The following RNPS1 variants were observed in gnomAD, a reference collection of about 807,000 sequenced individuals.
RNPS1 encodes the protein RNA-binding protein with serine-rich domain 1.
For missense variants in RNPS1, 300 were observed against 427.6 expected (o/e 0.70, Z 2.63); for synonymous variants, 147 against 150.0 (o/e 0.98, Z 0.15).
Position 2,267,192 on chromosome 16 carries a change from C to T in RNPS1, c.-118+863G>A, listed in dbSNP as rs562901833. 8.6e-5 allele frequency: 85 copies of T among 985,450 alleles called. No homozygotes were observed. In the Admixed American group the frequency reaches 3.3e-3, roughly 38 times the overall value. The allele number at this position is 985,450 out of a possible 1,614,324, so 61.0% of individuals were successfully genotyped here. A position where few individuals can be genotyped will look rare whatever the true frequency, so the allele number is the denominator to read the frequency against. On this transcript the variant is annotated intron_variant, in intron 1 of 7. Coordinates refer to ENST00000320225, the MANE Select transcript of RNPS1 (RefSeq NM_080594.4). ...CTGTTCACCCAAGTTCAGGTACCGG[C>T]TCAGGACCTCGGTTACCTCCCCCAT...
rs1447964986 is a variant in RNPS1 at position 2,263,949 on chromosome 16, T to C, written c.227+227A>G. The C allele has an allele frequency of 4.3e-5, 21 of 490,086 alleles. No individual in the cohort carries two copies. The East Asian group carries it at 5.9e-4, about 14-fold the overall frequency. 30.4% of individuals were successfully genotyped at this position (490,086 alleles called of 1,614,324 possible). On this transcript the variant is annotated intron_variant, in intron 3 of 7. Transcript: ENST00000320225. ...CTTGTTTTGTTGCCCATGCTGGTCT[T>C]GAACTCCAGGCCCCAAGCAATCCTC...
Position 2,253,771 on chromosome 16 carries a change from A to G in RNPS1, c.*193T>C. 1 of 693,630 alleles carries G rather than the reference A, an allele frequency of 1.4e-6. No individual in the cohort carries two copies. Among genetic ancestry groups the G allele is most frequent in the Non-Finnish European group, 2.6e-6 (1 of 379,534 alleles). 43.0% of individuals were successfully genotyped at this position (693,630 alleles called of 1,614,324 possible). ...AGCCAGAAAACCGGAGGGAATCTTG[A>G]CAGGCACACAGCATCCAAACCAACA... On this transcript the variant is annotated 3_prime_UTR_variant, in exon 8 of 8. Coordinates refer to ENST00000320225, the MANE Select transcript of RNPS1 (RefSeq NM_080594.4).
chr16:2,267,846 A>G (rs1198455604), intron 1 of RNPS1: 9 of 1,508,692 alleles, frequency 6.0e-6, no homozygotes, highest in Non-Finnish European at 7.0e-6. Flanking sequence ...TTCCGTCCGC[A>G]GCGGCCCCGA....
At chr16:2,254,299 C>A (rs1436515835) in intron 7 of RNPS1, among the ~76,000 whole-genome samples, 1 of 152,128 alleles carries the variant, frequency 6.6e-6, no homozygotes, top group Non-Finnish European at 1.5e-5. Context: ...CCACGCCCAG[C>A]TAATTTTTGT....
Position 2,262,899 on chromosome 16 carries a change from C to CT in RNPS1, c.420-58_420-57insA, listed in dbSNP as rs1567326616. 35 of 1,494,750 alleles carry CT rather than the reference C, an allele frequency of 2.3e-5. No individual in the cohort carries two copies. The African/African-American group carries it at 4.4e-4, about 19-fold the overall frequency. 92.6% of individuals were successfully genotyped at this position (1,494,750 alleles called of 1,614,324 possible). A position where few individuals can be genotyped will look rare whatever the true frequency, so the allele number is the denominator to read the frequency against. ...TTCTGTCAAGTCAAAATGTACTAGACGCCTTTCGAGTAAGCTCTTATCTGC... is the reference window on the plus strand; with the variant it reads ...TTCTGTCAAGTCAAAATGTACTAGACTGCCTTTCGAGTAAGCTCTTATCTGC... On this transcript the variant is annotated intron_variant, in intron 4 of 7. Transcript: ENST00000320225.
chr16:2,255,612 C>A lies in RNPS1; in HGVS notation c.791G>T (p.Arg264Leu), dbSNP rs767807083. ...TCTCCTCATCCGTGGGGGAGACCTG[C>A]GCCACATAGGCGGTGGTGGCAACAT... Reference protein sequence around the residue: ...RRMLPPPPMWRRSPPRMRRRS... With the variant: ...RRMLPPPPMWLRSPPRMRRRS... Residue 264 changes from arginine (R) to leucine (L), a missense_variant, in exon 7 of 8, where the codon CGC (arginine) becomes CTC (leucine). Coordinates refer to ENST00000320225, the MANE Select transcript of RNPS1 (RefSeq NM_080594.4). The A allele has an allele frequency of 1.9e-6, 3 of 1,602,092 alleles. No homozygotes were observed. Among genetic ancestry groups the A allele is most frequent in the Admixed American group, 1.7e-5 (1 of 58,078 alleles).
In RNPS1 at chr16:2,265,016, G is replaced by C. The variant is rs539545484; in HGVS notation, c.-117-256C>G. 1.5e-5 allele frequency: 3 copies of C among 202,450 alleles called. No homozygotes were observed. In the South Asian group the frequency reaches 2.8e-4, roughly 19 times the overall value. The allele number at this position is 202,450 out of a possible 1,614,324, so 12.5% of individuals were successfully genotyped here. On this transcript the variant is annotated intron_variant, in intron 1 of 7. Coordinates refer to ENST00000320225, the MANE Select transcript of RNPS1 (RefSeq NM_080594.4). ...AATGGAGATGGTGGAGACCATCACT[G>C]TTATTTTACAGGCTGAACAATTCAG...
chr16:2,261,160 T>C (rs921501863), intron 6 of RNPS1, among the ~76,000 whole-genome samples: 4 of 152,056 alleles, frequency 2.6e-5, no homozygotes, highest in African/African-American at 4.8e-5. Flanking sequence ...TCAAAAACTA[T>C]AGTACACCCA....
intron 6 of RNPS1, among the ~76,000 whole-genome samples, chr16:2,259,856 T>C (rs952458156): frequency 1.3e-5 from 2 of 152,158 alleles, no homozygotes; most frequent in African/African-American, 4.8e-5. Flanking sequence ...GCCACTGCAC[T>C]CCAGCCTGGG....
chr16:2,263,043 A>G, intron 4 of RNPS1, 53 bp downstream of exon 4: 1 of 1,569,768 alleles, frequency 6.4e-7, no homozygotes, highest in Non-Finnish European at 8.7e-7. Flanking sequence ...CCTCGATGGT[A>G]AATCTGTAGC....
chr16:2,255,550 GCCTGATCAGTC>G (rs779522239), intron 7 of RNPS1, 24 bp downstream of exon 7: 1 of 1,546,534 alleles, frequency 6.5e-7, no homozygotes, highest in Admixed American at 2.0e-5. Flanking sequence ...GAGGTTTGTG[GCCTGATCAGTC>G]CACTGAAACT....
intron 1 of RNPS1, chr16:2,266,888 GGT>G (rs758932572): frequency 6.9e-5 from 16 of 232,958 alleles, no homozygotes; most frequent in Non-Finnish European, 1.1e-4. Flanking sequence ...TTCTAAAACT[GGT>G]GTGTGTTTTA....
chr16:2,260,478 C>T (rs1010497775), intron 6 of RNPS1, among the ~76,000 whole-genome samples: 6 of 152,100 alleles, frequency 3.9e-5, no homozygotes, highest in African/African-American at 9.7e-5. Flanking sequence ...AATCCGTTTT[C>T]TTTTGTAACA....
At chr16:2,263,894 C>CTTTTTT (rs763102791) in intron 3 of RNPS1, 7 of 207,546 alleles carry the variant, frequency 3.4e-5, no homozygotes, top group Admixed American at 1.3e-4. Flanking sequence ...ACAAATTACT[C>CTTTTTT]TTTTTTTTTT....
At chr16:2,263,826 C>T (rs778274911) in intron 3 of RNPS1, 5 of 282,080 alleles carry the variant, frequency 1.8e-5, no homozygotes, top group Non-Finnish European at 3.4e-5. Context: ...ATCCTCTTGC[C>T]TCAGCCCTCC....
At chr16:2,254,530 C>T (rs2093568245) in intron 7 of RNPS1, among the ~76,000 whole-genome samples, 1 of 152,102 alleles carries the variant, frequency 6.6e-6, no homozygotes, top group Non-Finnish European at 1.5e-5. Context: ...ATCTCCTGAC[C>T]TCGTGTTCCG....
intron 1 of RNPS1, chr16:2,267,668 C>T (rs1942413217): frequency 3.5e-6 from 4 of 1,145,368 alleles, no homozygotes; most frequent in South Asian, 5.5e-5. Context: ...CTCACAACTC[C>T]CCCGTCCAGG....
At position 2,262,708 on chromosome 16, in the gene RNPS1, C is replaced by T. The variant is rs760076811; in HGVS notation, c.522+32G>A. 2.5e-6 allele frequency: 4 copies of T among 1,574,150 alleles called. No individual in the cohort carries two copies. In the Admixed American group the frequency reaches 5.0e-5, roughly 20 times the overall value. ...GGCACAGGCCTGCTTGTCCACACCC[C>T]ACTGCCCACAGGAGAGATCCATGAT... On this transcript the variant is annotated intron_variant, in intron 5 of 7. Transcript: ENST00000320225.
chr16:2,263,068 CTT>C lies in RNPS1; in HGVS notation c.419+26_419+27del, dbSNP rs747746157. ...AAATCTGTAGCCCCGAGCTTGTAAA[CTT>C]TAGCTCCCAGGCGCAGGGCACTCAC... On this transcript the variant is annotated intron_variant, in intron 4 of 7. Coordinates refer to ENST00000320225, the MANE Select transcript of RNPS1 (RefSeq NM_080594.4). The C allele has an allele frequency of 6.8e-6, 11 of 1,606,348 alleles. No individual in the cohort carries two copies. In the African/African-American group the frequency reaches 8.0e-5, roughly 12 times the overall value.
Sources: allele counts gnomAD v4.1 joint callset (sites outside exome capture counted in the v4.1 genomes callset), GRCh38; gene constraint gnomAD v4.1.1; transcripts MANE v1.5; gene names NCBI Gene and HGNC (gene_info 2026-07-23, HGNC 2026-07-21).